The following EEA1 variants were observed in gnomAD, a reference collection of about 807,000 sequenced individuals.
EEA1 encodes early endosome antigen 1, 162kD.
A neutral mutation model predicts 209.2 loss-of-function variants in EEA1; 111 were observed. That is an observed-to-expected ratio of 0.53 (90% CI 0.45 to 0.62). The LOEUF (loss-of-function observed/expected upper bound fraction) is 0.62. Ranked by LOEUF, EEA1 falls within the 20% of genes least tolerant of loss-of-function variation. EEA1 has a pLI of 0.00. For missense variants in EEA1, 1,343 were observed against 1,530.8 expected (o/e 0.88, Z 2.05); for synonymous variants, 536 against 540.6 (o/e 0.99, Z 0.12).
At chr12:92,826,890 T>A (rs987295212) in intron 12 of EEA1, among the ~76,000 whole-genome samples, 3 of 152,200 alleles carry the variant, frequency 2.0e-5, no homozygotes, top group Non-Finnish European at 4.4e-5. Context: ...ATTAATTACA[T>A]ATAAATTATT....
chr12:92,928,599 G>A (rs910840934), intron 1 of EEA1, among the ~76,000 whole-genome samples: 1 of 152,142 alleles, frequency 6.6e-6, no homozygotes, highest in Non-Finnish European at 1.5e-5. Flanking sequence ...TGTCAAATTG[G>A]GGGGCACGGG....
chr12:92,865,457 T>C (rs1878340755), intron 2 of EEA1, among the ~76,000 whole-genome samples: 1 of 151,604 alleles, frequency 6.6e-6, no homozygotes, highest in African/African-American at 2.4e-5. Flanking sequence ...ATATCTACAA[T>C]GATAACAAGT....
intron 2 of EEA1, among the ~76,000 whole-genome samples, chr12:92,874,131 G>T (rs1197745744): frequency 6.6e-6 from 1 of 151,786 alleles, no homozygotes; most frequent in African/African-American, 2.4e-5. Flanking sequence ...TTGGCAACAT[G>T]GCAAATTCCC....
intron 1 of EEA1, among the ~76,000 whole-genome samples, chr12:92,926,934 A>C (rs1456556742): frequency 6.6e-6 from 1 of 152,130 alleles, no homozygotes; most frequent in Non-Finnish European, 1.5e-5. Flanking sequence ...TTCACCTCCC[A>C]AACAGCCTGT....
In EEA1 at chr12:92,774,387, T is replaced by C. The variant is rs1466538597; in HGVS notation, c.*1624A>G. ...CTCTTTAGTTTACATACACTGTAGG[T>C]ATAGCATGAATATAATTTCATTTCA... On this transcript the variant is annotated 3_prime_UTR_variant, in exon 29 of 29. Transcript: ENST00000322349. 4 of 151,514 alleles carry C rather than the reference T, an allele frequency of 2.6e-5. No individual in the cohort carries two copies. The highest frequency in any genetic ancestry group is 5.9e-5 in the Non-Finnish European group (4 of 67,548). The allele number at this position is 151,514 out of a possible 1,614,324, so 9.4% of individuals were successfully genotyped here.
intron 17 of EEA1, among the ~76,000 whole-genome samples, chr12:92,809,569 C>T (rs1052597677): frequency 6.7e-6 from 1 of 149,752 alleles, no homozygotes; most frequent in Non-Finnish European, 1.5e-5. Flanking sequence ...GTGGCCGGTG[C>T]CTGAAGTCCC....
At chr12:92,809,694 CA>C (rs879808819) in intron 17 of EEA1, among the ~76,000 whole-genome samples, 1,255 of 107,610 alleles carry the variant, frequency 0.012, 11 homozygotes, top group East Asian at 0.037. Context: ...GACTCCATCT[CA>C]AAAAAAAAAA....
chr12:92,858,536 C>T, intron 3 of EEA1: 1 of 786,206 alleles, frequency 1.3e-6, no homozygotes, highest in Non-Finnish European at 2.3e-6. Flanking sequence ...GTATGTAGGC[C>T]TTTAACCATT....
intron 1 of EEA1, among the ~76,000 whole-genome samples, chr12:92,921,144 G>T (rs973318280): frequency 6.6e-6 from 1 of 151,354 alleles, no homozygotes; most frequent in African/African-American, 2.4e-5. Flanking sequence ...CTTTTACATT[G>T]TTGGTGGGAC....
intron 2 of EEA1, among the ~76,000 whole-genome samples, chr12:92,865,241 G>A (rs757159933): frequency 6.6e-6 from 1 of 152,024 alleles, no homozygotes; most frequent in Non-Finnish European, 1.5e-5. Context: ...ATTAATAGCT[G>A]GAGTACCCAA....
In EEA1 at chr12:92,832,653, T is replaced by G; in HGVS notation, c.1113A>C (p.Gly371=). The change falls in exon 11 of 29, where the codon GGA becomes GGC. Residue 371 remains glycine (G), a synonymous_variant. Transcript: ENST00000322349. ...CTTCTTTGAGCTTTTGAGTAGCTTC[T>G]CCTTTTTCACTTAGTTCTACATGTA... The part of the protein sequence containing the change: ...HRIHVELSEK[G]EATQKLKEEL... 1 of 1,614,060 alleles carries G rather than the reference T, an allele frequency of 6.2e-7. No homozygotes were observed.
intron 14 of EEA1, among the ~76,000 whole-genome samples, chr12:92,818,492 T>G (rs1158702613): frequency 2.0e-5 from 3 of 152,210 alleles, no homozygotes; most frequent in African/African-American, 7.2e-5. Flanking sequence ...TATTTTAATT[T>G]ATTCTTTAAA....
intron 21 of EEA1, among the ~76,000 whole-genome samples, chr12:92,795,738 GTTC>G (rs1485867581): frequency 6.6e-6 from 1 of 152,158 alleles, no homozygotes; most frequent in Non-Finnish European, 1.5e-5. Flanking sequence ...CTTTCATAGA[GTTC>G]TTCTTCCAAT....
At chr12:92,806,769 G>T in intron 18 of EEA1, among the ~76,000 whole-genome samples, 1 of 152,094 alleles carries the variant, frequency 6.6e-6, no homozygotes, top group African/African-American at 2.4e-5. Flanking sequence ...AGGTAATACA[G>T]CATGGTCAAG....
At chr12:92,880,381 C>T (rs990520953) in intron 2 of EEA1, among the ~76,000 whole-genome samples, 7 of 151,950 alleles carry the variant, frequency 4.6e-5, no homozygotes, top group African/African-American at 1.5e-4. Flanking sequence ...CTCGGCTCAC[C>T]GCAGCCTCCA....
At chr12:92,820,148 G>C (rs1361114788) in intron 13 of EEA1, among the ~76,000 whole-genome samples, 1 of 152,042 alleles carries the variant, frequency 6.6e-6, no homozygotes, top group Non-Finnish European at 1.5e-5. Flanking sequence ...CTCAGTCATT[G>C]ATATATCCAA....
At chr12:92,839,238 AATGCATGATCTT>A (rs1284082841) in intron 10 of EEA1, among the ~76,000 whole-genome samples, 2 of 152,204 alleles carry the variant, frequency 1.3e-5, no homozygotes, top group Non-Finnish European at 2.9e-5. Flanking sequence ...CCACATGACT[AATGCATGATCTT>A]ATAAAATCAC....
intron 21 of EEA1, among the ~76,000 whole-genome samples, chr12:92,794,424 T>G (rs1592705708): frequency 6.6e-6 from 1 of 152,290 alleles, no homozygotes; most frequent in East Asian, 1.9e-4. Context: ...TAAAGACACA[T>G]GCACACGTAT....
intron 2 of EEA1, chr12:92,884,086 A>C: frequency 8.0e-7 from 1 of 1,249,242 alleles, no homozygotes; most frequent in Non-Finnish European, 1.2e-6. Context: ...CTTAACTATG[A>C]AAAAGATATT....
Sources: gnomAD v4.1 joint callset for allele counts (sites outside exome capture counted in the v4.1 genomes callset) on GRCh38, gnomAD v4.1.1 for gene constraint, MANE v1.5 for transcripts, NCBI Gene and HGNC (gene_info 2026-07-23, HGNC 2026-07-21) for gene names.